Variants in FCHSD2 observed in about 807,000 individuals in gnomAD.
FCHSD2 encodes FCH and double SH3 domains 2, also known as F-BAR and double SH3 domains protein 2.
Under a neutral mutation model 108.1 loss-of-function variants are expected in FCHSD2, and 38 were observed. That is an observed-to-expected ratio of 0.35 (90% CI 0.27 to 0.46). The LOEUF is 0.46. Among genes scored for constraint, FCHSD2 ranks in the 20% least tolerant of loss-of-function variants. The pLI, the probability that FCHSD2 is intolerant of heterozygous loss-of-function variation, is 1.00. For missense variants in FCHSD2, 751 were observed against 897.8 expected, an observed-to-expected ratio of 0.84 and a Z score of 2.09; for synonymous variants, 279 against 314.7, an observed-to-expected ratio of 0.89 and a Z score of 1.20.
chr11:73,001,266 G>T, intron 4 of FCHSD2, 132 bp from the exon 5 acceptor site: 1 of 736,098 alleles, frequency 1.4e-6, no homozygotes. Flanking sequence ...TGGCTTATAG[G>T]CAATATGTCA....
chr11:73,032,153 G>A (rs1192817912), intron 3 of FCHSD2, among the ~76,000 whole-genome samples: 1 of 152,088 alleles, frequency 6.6e-6, no homozygotes, highest in African/African-American at 2.4e-5. Flanking sequence ...ATATACTCTA[G>A]AATACATATG....
At chr11:72,909,200 C>A (rs530161988) in intron 9 of FCHSD2, among the ~76,000 whole-genome samples, 93 of 152,064 alleles carry the variant, frequency 6.1e-4, no homozygotes, top group South Asian at 5.8e-3. Context: ...CCACGCCTGA[C>A]TGGTTTTTGT....
At chr11:72,913,302 T>C (rs1591393057) in intron 9 of FCHSD2, among the ~76,000 whole-genome samples, 1 of 152,300 alleles carries the variant, frequency 6.6e-6, no homozygotes, top group East Asian at 1.9e-4. Flanking sequence ...AGAGTCTCAG[T>C]CTGTTGCCCA....
intron 10 of FCHSD2, among the ~76,000 whole-genome samples, chr11:72,891,962 A>T (rs1003069954): frequency 1.3e-5 from 2 of 152,230 alleles, no homozygotes; most frequent in African/African-American, 4.8e-5. Context: ...ATTACTGTTC[A>T]TAAGAAAATC....
intron 10 of FCHSD2, among the ~76,000 whole-genome samples, chr11:72,899,844 C>A (rs1855492167): frequency 6.6e-6 from 1 of 151,354 alleles, no homozygotes; most frequent in East Asian, 1.9e-4. Context: ...CTAATTGCTT[C>A]CCAAGTCCTG....
At chr11:72,918,388 G>A (rs886990328) in intron 9 of FCHSD2, among the ~76,000 whole-genome samples, 18 of 151,616 alleles carry the variant, frequency 1.2e-4, no homozygotes, top group Non-Finnish European at 2.1e-4. Flanking sequence ...TTTTCTTACC[G>A]AATTGCCCTG....
At position 72,981,137 on chromosome 11, in the gene FCHSD2, G is replaced by T. The variant is rs508532; in HGVS notation, c.705+2951C>A. Among the ~76,000 whole-genome samples the T allele has an allele frequency of 2.0e-3, 297 of 152,232 alleles. 1 individual carries two copies. The highest frequency in any genetic ancestry group is 6.8e-3 in the African/African-American group (284 of 41,528). ...ATAGAATTAGCATGAGGAAGAAAAT[G>T]AGTTAATGTACAGTACATGAAAACT... is the stretch of plus-strand genomic sequence containing the variant. On this transcript the variant is annotated intron_variant, in intron 8 of 19. Coordinates refer to ENST00000409418, the MANE Select transcript of FCHSD2 (RefSeq NM_014824.3).
chr11:73,083,748 T>C lies in FCHSD2; in HGVS notation c.120-8A>G, dbSNP rs1376634736. ...TTCTTCTGACTGAATGTCCTAAAAA[T>C]ACAAAGAAAAATTAATTACCAGAAG... On this transcript the variant is annotated splice_polypyrimidine_tract_variant and splice_region_variant and intron_variant, in intron 2 of 19. Coordinates refer to ENST00000409418, the MANE Select transcript of FCHSD2 (RefSeq NM_014824.3). 1.6e-5 allele frequency: 25 copies of C among 1,520,768 alleles called. No homozygotes were observed. The highest frequency in any genetic ancestry group is 1.4e-5 in the African/African-American group (1 of 72,472). 94.2% of individuals were successfully genotyped at this position (1,520,768 alleles called of 1,614,324 possible).
intron 13 of FCHSD2, among the ~76,000 whole-genome samples, chr11:72,859,995 T>A (rs752411831): frequency 1.3e-5 from 2 of 152,218 alleles, no homozygotes; most frequent in Non-Finnish European, 2.9e-5. Flanking sequence ...TGGGGTACCA[T>A]GAGGGAAGGT....
rs1456278990 is a variant in FCHSD2, at chr11:73,083,715, T to C, written c.145A>G (p.Ile49Val). ...MRTFSQKKAA[I>V]EREYAQGMQK... ...CTTACCTGTGCATACTCTCTTTCAATAGCAGCCTTCTTCTGACTGAATGTC... is the reference window on the plus strand; with the variant it reads ...CTTACCTGTGCATACTCTCTTTCAACAGCAGCCTTCTTCTGACTGAATGTC... Residue 49 changes from isoleucine to valine, a missense_variant, in exon 3 of 20, where the codon ATT becomes GTT. Physicochemically the swap from Ile to Val is conservative, Grantham distance 29 (BLOSUM62 3). Transcript: ENST00000409418. 4.5e-6 allele frequency: 7 copies of C among 1,546,174 alleles called. No individual in the cohort carries two copies. The highest frequency in any genetic ancestry group is 1.4e-5 in the African/African-American group (1 of 73,016).
At chr11:72,877,230 G>A (rs1854989843) in intron 12 of FCHSD2, among the ~76,000 whole-genome samples, 1 of 152,028 alleles carries the variant, frequency 6.6e-6, no homozygotes, top group African/African-American at 2.4e-5. Flanking sequence ...CCTGTGATAA[G>A]CAACAGCTAA....
chr11:73,025,571 T>C (rs1031351162), intron 3 of FCHSD2, among the ~76,000 whole-genome samples: 8 of 152,056 alleles, frequency 5.3e-5, no homozygotes, highest in African/African-American at 1.9e-4. Context: ...GATGCAATAA[T>C]CTGTACCACA....
chr11:72,929,692 T>C (rs982617056), intron 8 of FCHSD2, among the ~76,000 whole-genome samples: 1 of 152,170 alleles, frequency 6.6e-6, no homozygotes, highest in Admixed American at 6.5e-5. Flanking sequence ...AATATTTATA[T>C]AGACTTTGAT....
intron 5 of FCHSD2, among the ~76,000 whole-genome samples, chr11:72,997,355 C>G (rs1857537536): frequency 6.6e-6 from 1 of 152,136 alleles, no homozygotes; most frequent in South Asian, 2.1e-4. Flanking sequence ...CTAACAGAAT[C>G]AAGGTGATCT....
At chr11:73,026,884 A>G (rs1858241786) in intron 3 of FCHSD2, among the ~76,000 whole-genome samples, 1 of 152,168 alleles carries the variant, frequency 6.6e-6, no homozygotes, top group Admixed American at 6.5e-5. Context: ...CATGTAAGAC[A>G]TGCCTTGCTT....
chr11:72,865,209 T>A (rs1482855520), intron 13 of FCHSD2, among the ~76,000 whole-genome samples: 1 of 152,244 alleles, frequency 6.6e-6, no homozygotes, highest in Non-Finnish European at 1.5e-5. Context: ...CTCTAGAATG[T>A]GCATTTCTGC....
chr11:72,979,606 A>G (rs186340632), intron 8 of FCHSD2, among the ~76,000 whole-genome samples: 33 of 152,348 alleles, frequency 2.2e-4, no homozygotes, highest in Middle Eastern at 6.8e-3. Flanking sequence ...CAATGTTTCA[A>G]TGAAAGAGTT....
chr11:72,963,113 G>A (rs560415930), intron 8 of FCHSD2, among the ~76,000 whole-genome samples: 1 of 152,144 alleles, frequency 6.6e-6, no homozygotes, highest in Non-Finnish European at 1.5e-5. Context: ...TCAGTGCCTA[G>A]CATATACTCA....
chr11:73,095,910 T>TA (rs1047605369), intron 2 of FCHSD2, among the ~76,000 whole-genome samples: 121 of 141,104 alleles, frequency 8.6e-4, no homozygotes, highest in African/African-American at 1.1e-3. Context: ...GGCTGAGGAT[T>TA]AAAAAAAAAA....
Sources: allele counts gnomAD v4.1 joint callset (sites outside exome capture counted in the v4.1 genomes callset), GRCh38; gene constraint gnomAD v4.1.1; transcripts MANE v1.5; gene names NCBI Gene and HGNC (gene_info 2026-07-23, HGNC 2026-07-21).